Variants in BAG3 observed in about 807,000 individuals in gnomAD.
BAG3 encodes the protein BAG family molecular chaperone regulator 3.
BAG3 carries 14 observed loss-of-function variants against 40.5 expected under a neutral mutation model. That is an observed-to-expected ratio of 0.35 (90% CI 0.23 to 0.54). The LOEUF is 0.54. BAG3 is among the 20% of genes least tolerant of loss of function. The probability of loss-of-function intolerance (pLI) is 0.91; values close to 1 mark genes in which losing one functional copy is unlikely to be tolerated. For missense variants in BAG3, 788 were observed against 758.6 expected (o/e 1.04, Z -0.46); for synonymous variants, 302 against 307.8 (o/e 0.98, Z 0.20).
At position 119,677,620 on chromosome 10, in the gene BAG3, GTCA is replaced by G; in HGVS notation, c.*339_*341del. On this transcript the variant is annotated 3_prime_UTR_variant, in exon 4 of 4. Transcript: ENST00000369085. ...TCTGGACTGGAGGGGTAGATGGGGA[GTCA>G]ATTACCCATCACATAAATATGAAAC... The G allele has an allele frequency of 2.7e-6, 1 of 363,636 alleles. No individual in the cohort carries two copies. The highest frequency in any genetic ancestry group is 4.1e-5 in the Admixed American group (1 of 24,498). The allele number at this position is 363,636 out of a possible 1,614,324, so 22.5% of individuals were successfully genotyped here. A position where few individuals can be genotyped will look rare whatever the true frequency, so the allele number is the denominator to read the frequency against.
rs148981406 is a variant in BAG3, at chr10:119,663,184, G to A, written c.181-6667G>A. 5.3e-3 allele frequency among the ~76,000 whole-genome samples: 810 copies of A among 152,320 alleles called. 25 individuals are homozygous for A. Among genetic ancestry groups the A allele is most frequent in the Admixed American group, 0.05 (770 of 15,292 alleles). Reference sequence around the variant, plus strand: ...TTTCATGAACATGTGCCTGGCGTACGCCTCTCTAGGCAGACACCTTGCAGG... The same window carrying A: ...TTTCATGAACATGTGCCTGGCGTACACCTCTCTAGGCAGACACCTTGCAGG... On this transcript the variant is annotated intron_variant, in intron 1 of 3. Transcript: ENST00000369085.
At position 119,670,218 on chromosome 10, in the gene BAG3, C is replaced by T. The variant is rs762285935; in HGVS notation, c.507+41C>T. On this transcript the variant is annotated intron_variant, in intron 2 of 3. Transcript: ENST00000369085. ...GCTCACCAGCCTGCTGGGGAGCAAG[C>T]CGCTGTGCTTCCCAGGCCGGGCCCA... is the stretch of plus-strand genomic sequence containing the variant. The T allele has an allele frequency of 4.4e-6, 7 of 1,575,258 alleles. No homozygotes were observed. In the Admixed American group the frequency reaches 5.3e-5, roughly 12 times the overall value.
intron 1 of BAG3, among the ~76,000 whole-genome samples, chr10:119,663,865 C>T (rs769426900): frequency 2.8e-4 from 43 of 152,156 alleles, no homozygotes; most frequent in Non-Finnish European, 2.6e-4. Context: ...CACACACCTA[C>T]GGAATCAGAC....
At position 119,672,730 on chromosome 10, in the gene BAG3, C is replaced by G; in HGVS notation, c.909+74C>G. 1.9e-6 allele frequency: 3 copies of G among 1,595,260 alleles called. No individual in the cohort carries two copies. Among genetic ancestry groups the G allele is most frequent in the Non-Finnish European group, 2.6e-6 (3 of 1,175,448 alleles). ...GGGGTGCAGGAGCTCTGTGGGTGCC[C>G]TGGGTTCCCCCTTCATCCCTGCCTA... On this transcript the variant is annotated intron_variant, in intron 3 of 3. Coordinates refer to ENST00000369085, the MANE Select transcript of BAG3 (RefSeq NM_004281.4). This position sits in a 1 kb window ranked among gnomAD's most constrained non-coding sequence, Gnocchi z 4.8.
rs577392366 is a variant in BAG3 at position 119,676,616 on chromosome 10, G to A, written c.1062G>A (p.Lys354=). ...TGGATTCTAAACCTGTTTCCCAGAA[G>A]CCCCCACCTCCCTCTGAGAAGGTAG... ...KEVDSKPVSQ[K]PPPPSEKVEV... is the part of the protein sequence containing the mutation. The change falls in exon 4 of 4, where the codon AAG becomes AAA. Residue 354 remains lysine, a synonymous_variant. Transcript: ENST00000369085. 6 of 1,614,130 alleles carry A rather than the reference G, an allele frequency of 3.7e-6. No homozygotes were observed. Among genetic ancestry groups the A allele is most frequent in the African/African-American group, 2.7e-5 (2 of 75,010 alleles).
chr10:119,672,408 G>A lies in BAG3; in HGVS notation c.661G>A (p.Ala221Thr). ...IHEQNVTRPAAQPSFHQAQKT... is the reference protein window; with the variant it reads ...IHEQNVTRPATQPSFHQAQKT... Reference sequence around the variant, plus strand: ...CGAGCAGAACGTTACCCGGCCAGCAGCCCAGCCCTCCTTCCACCAAGCCCA... The same window carrying A: ...CGAGCAGAACGTTACCCGGCCAGCAACCCAGCCCTCCTTCCACCAAGCCCA... Residue 221 changes from alanine to threonine, a missense_variant, in exon 3 of 4, where the codon GCC (alanine) becomes ACC (threonine). Physicochemically the swap from Ala to Thr is moderately conservative, Grantham distance 58. Coordinates refer to ENST00000369085, the MANE Select transcript of BAG3 (RefSeq NM_004281.4). This position sits in a 1 kb window ranked among gnomAD's most constrained non-coding sequence, Gnocchi z 4.8. 1 of 1,614,164 alleles carries A rather than the reference G, an allele frequency of 6.2e-7. No homozygotes were observed. The highest frequency in any genetic ancestry group is 1.1e-5 in the South Asian group (1 of 91,084).
chr10:119,653,141 G>A (rs1188037201), intron 1 of BAG3, among the ~76,000 whole-genome samples: 6 of 152,226 alleles, frequency 3.9e-5, no homozygotes, highest in East Asian at 3.9e-4. Flanking sequence ...ATAAAACTCC[G>A]GTGCCCAGCA....
chr10:119,665,143 T>TTC (rs1564771840), intron 1 of BAG3, among the ~76,000 whole-genome samples: 43 of 113,768 alleles, frequency 3.8e-4, no homozygotes, highest in Admixed American at 6.2e-4. Flanking sequence ...TATATATATA[T>TTC]ATTTTTTTTT....
chr10:119,673,081 T>C (rs925283899), intron 3 of BAG3, among the ~76,000 whole-genome samples: 3 of 152,148 alleles, frequency 2.0e-5, no homozygotes, highest in Non-Finnish European at 2.9e-5. Context: ...ATTCTGCTCA[T>C]TCCCACCCCT....
At chr10:119,673,826 C>T (rs190810402) in intron 3 of BAG3, among the ~76,000 whole-genome samples, 30 of 152,334 alleles carry the variant, frequency 2.0e-4, no homozygotes, top group African/African-American at 7.2e-4. Context: ...CATTTCTTCT[C>T]TCGTATATTA....
chr10:119,659,091 G>A (rs2134055510), intron 1 of BAG3, among the ~76,000 whole-genome samples: 1 of 152,304 alleles, frequency 6.6e-6, no homozygotes, highest in Non-Finnish European at 1.5e-5. Context: ...GTGGCCCTTG[G>A]AGCCCTCCCT....
At chr10:119,652,565 T>C (rs1175755565) in intron 1 of BAG3, among the ~76,000 whole-genome samples, 1 of 152,254 alleles carries the variant, frequency 6.6e-6, no homozygotes, top group Non-Finnish European at 1.5e-5. Flanking sequence ...TCCCCAGCAG[T>C]TTCTAGAGAT....
At chr10:119,662,552 T>C (rs561369651) in intron 1 of BAG3, among the ~76,000 whole-genome samples, 9 of 152,194 alleles carry the variant, frequency 5.9e-5, no homozygotes, top group Non-Finnish European at 1.2e-4. Flanking sequence ...AAGGCTCTTC[T>C]GGCCTAAAAA....
At chr10:119,658,979 C>T (rs1846955259) in intron 1 of BAG3, among the ~76,000 whole-genome samples, 1 of 152,200 alleles carries the variant, frequency 6.6e-6, no homozygotes, top group Non-Finnish European at 1.5e-5. Context: ...GTCCGTGGGC[C>T]TTTCAGCTCT....
At chr10:119,659,435 C>T (rs1284308369) in intron 1 of BAG3, among the ~76,000 whole-genome samples, 1 of 152,200 alleles carries the variant, frequency 6.6e-6, no homozygotes, top group Non-Finnish European at 1.5e-5. Flanking sequence ...CACAGCTCTT[C>T]TGGACCCAGC....
chr10:119,661,657 A>G (rs1052579690), intron 1 of BAG3, among the ~76,000 whole-genome samples: 6 of 152,066 alleles, frequency 3.9e-5, no homozygotes, highest in African/African-American at 7.2e-5. Flanking sequence ...AGTAACAGGC[A>G]TATTAGATAA....
intron 1 of BAG3, among the ~76,000 whole-genome samples, chr10:119,658,773 T>C (rs1310172767): frequency 6.6e-6 from 1 of 152,146 alleles, no homozygotes; most frequent in African/African-American, 2.4e-5. Flanking sequence ...TCTCCCGTTG[T>C]GTGAAGTGGG....
Position 119,672,694 on chromosome 10 carries a change from G to GT in BAG3, c.909+39dup. On this transcript the variant is annotated intron_variant, in intron 3 of 3. Transcript: ENST00000369085. The surrounding 1 kb of genome is among the most constrained non-coding windows in gnomAD (Gnocchi z 4.8). Reference sequence around the variant, plus strand: ...AGTCGTCAGCAGACTGGTTATGGTGGTATGTCTCCAGGGGTGCAGGAGCTC... The same window carrying GT: ...AGTCGTCAGCAGACTGGTTATGGTGGTTATGTCTCCAGGGGTGCAGGAGCTC... 6.2e-7 allele frequency: 1 copy of GT among 1,606,682 alleles called. No individual in the cohort carries two copies. Among genetic ancestry groups the GT allele is most frequent in the Non-Finnish European group, 8.5e-7 (1 of 1,179,958 alleles).
At chr10:119,656,334 C>T (rs1370700306) in intron 1 of BAG3, among the ~76,000 whole-genome samples, 2 of 151,956 alleles carry the variant, frequency 1.3e-5, no homozygotes, top group African/African-American at 4.8e-5. Context: ...CAAGTAGACA[C>T]CTCTGATCTG....
Sources: gnomAD v4.1 joint callset for allele counts (sites outside exome capture counted in the v4.1 genomes callset) on GRCh38, gnomAD v4.1.1 for gene constraint, Gnocchi (gnomAD v3.1) non-coding constraint, MANE v1.5 for transcripts, NCBI Gene and HGNC (gene_info 2026-07-23, HGNC 2026-07-21) for gene names.